DNAH14: variants seen among roughly 807,000 people sequenced by gnomAD.
The protein encoded by DNAH14 is dynein axonemal heavy chain 14.
A neutral mutation model predicts 520.9 loss-of-function variants in DNAH14; 478 were observed. The observed-to-expected ratio is 0.92, with a 90% CI of 0.85 to 0.99. The LOEUF is 0.99. DNAH14 is among the 50% of genes least tolerant of loss of function. The pLI, the probability that DNAH14 is intolerant of heterozygous loss-of-function variation, is 0.00. For missense variants in DNAH14, 4,831 were observed against 5,234.5 expected, an observed-to-expected ratio of 0.92 and a Z score of 2.38; for synonymous variants, 1,581 against 1,757.2, an observed-to-expected ratio of 0.90 and a Z score of 2.51.
intron 12 of DNAH14, 55 bp downstream of exon 12, chr1:225,038,878 A>G: frequency 7.3e-7 from 1 of 1,375,566 alleles, no homozygotes; most frequent in Non-Finnish European, 9.6e-7. Flanking sequence ...AAATGAATAC[A>G]TTTTAAAATT....
intron 8 of DNAH14, among the ~76,000 whole-genome samples, chr1:224,985,242 T>G (rs1299754638): frequency 2.0e-5 from 3 of 152,118 alleles, no homozygotes; most frequent in Non-Finnish European, 2.9e-5. Context: ...AATAGGCATG[T>G]AAAGAAACCC....
chr1:225,056,762 T>G (rs1349592530), intron 17 of DNAH14, among the ~76,000 whole-genome samples: 1 of 152,224 alleles, frequency 6.6e-6, no homozygotes, highest in African/African-American at 2.4e-5. Flanking sequence ...TAGCCAGTTT[T>G]CCCAGCACCA....
At chr1:225,345,482 T>C (rs937427262) in intron 69 of DNAH14, among the ~76,000 whole-genome samples, 7 of 152,198 alleles carry the variant, frequency 4.6e-5, no homozygotes, top group African/African-American at 1.7e-4. Context: ...AAAAGGTGAG[T>C]TGCAATCTAT....
intron 21 of DNAH14, 98 bp downstream of exon 21, chr1:225,085,887 A>G (rs915889961): frequency 2.5e-6 from 3 of 1,207,630 alleles, no homozygotes; most frequent in Middle Eastern, 2.4e-4. Context: ...AATTGTATAA[A>G]TCATTCATAT....
chr1:225,299,457 C>T (rs1503825), intron 55 of DNAH14, among the ~76,000 whole-genome samples: 19,689 of 152,002 alleles, frequency 0.13, 1,446 homozygotes, highest in East Asian at 0.33. Context: ...ATCATATCTA[C>T]GAAACTCCAT....
intron 1 of DNAH14, among the ~76,000 whole-genome samples, chr1:224,951,144 G>A (rs977520088): frequency 2.0e-5 from 3 of 152,082 alleles, no homozygotes; most frequent in Non-Finnish European, 2.9e-5. Flanking sequence ...GCCTGCCTCA[G>A]TCTCTCAAGT....
chr1:225,028,088 G>A (rs1217841320), intron 11 of DNAH14, among the ~76,000 whole-genome samples: 1 of 151,966 alleles, frequency 6.6e-6, no homozygotes, highest in Non-Finnish European at 1.5e-5. Flanking sequence ...ACATTGGTCT[G>A]TAGTTTTCTT....
At chr1:225,119,372 T>A (rs569369649) in intron 26 of DNAH14, 78 bp downstream of exon 26, 11 of 993,158 alleles carry the variant, frequency 1.1e-5, no homozygotes, top group South Asian at 2.6e-5. Context: ...ACACATTTTT[T>A]AAAACTCACT....
intron 44 of DNAH14, among the ~76,000 whole-genome samples, chr1:225,256,442 T>TA (rs2092737989): frequency 1.3e-5 from 2 of 151,722 alleles, no homozygotes; most frequent in Non-Finnish European, 2.9e-5. Flanking sequence ...AGAAAATAAA[T>TA]AAATAAAATA....
Position 225,152,692 on chromosome 1 carries a change from T to C in DNAH14, c.5010-5T>C. The C allele has an allele frequency of 6.6e-7, 1 of 1,525,342 alleles. No individual in the cohort carries two copies. Among genetic ancestry groups the C allele is most frequent in the Non-Finnish European group, 8.8e-7 (1 of 1,137,178 alleles). 94.5% of individuals were successfully genotyped at this position (1,525,342 alleles called of 1,614,324 possible). A position where few individuals can be genotyped will look rare whatever the true frequency, so the allele number is the denominator to read the frequency against. The stretch of plus-strand genomic sequence containing the variant: ...TTTATTGTTTGTTTTTCTTTTCCTC[T>C]TCAGATACGGAGGTGGAGTAGAGCT... On this transcript the variant is annotated splice_polypyrimidine_tract_variant and splice_region_variant and intron_variant, in intron 32 of 85. Transcript: ENST00000682510.
chr1:225,256,469 G>A (rs1220684968), intron 44 of DNAH14, among the ~76,000 whole-genome samples: 2 of 151,914 alleles, frequency 1.3e-5, no homozygotes, highest in Non-Finnish European at 2.9e-5. Context: ...AATGGCAAAA[G>A]CAAAATTTTT....
chr1:224,939,299 T>TCAGATG (rs2059248697), intron 1 of DNAH14, among the ~76,000 whole-genome samples: 1 of 152,154 alleles, frequency 6.6e-6, no homozygotes, highest in African/African-American at 2.4e-5. Context: ...AGTAGAACCC[T>TCAGATG]CAGATGCACT....
In DNAH14 at chr1:225,270,754, T is replaced by C. The variant is rs1232125868; in HGVS notation, c.7559T>C (p.Ile2520Thr). 6.4e-7 allele frequency: 1 copy of C among 1,551,256 alleles called. No homozygotes were observed. ...TCACAGAATATTCAAGATCTGTCTA[T>C]AGTTGCAGCTTGTGTTCCAGTTGTG... ...NTWKNIQDLSIVAACVPVVND... is the reference protein window; with the variant it reads ...NTWKNIQDLSTVAACVPVVND... The change falls in exon 50 of 86, where the codon ATA becomes ACA. Residue 2520 changes from isoleucine (I) to threonine (T), a missense_variant. Physicochemically the swap from Ile to Thr is moderately conservative, Grantham distance 89. Coordinates refer to ENST00000682510, the MANE Select transcript of DNAH14 (RefSeq NM_001367479.1).
Position 225,322,757 on chromosome 1 carries a change from A to G in DNAH14, c.9429A>G (p.Leu3143=), listed in dbSNP as rs751237266. ...AACCTAACTGGGCAACGGCAAAGTT[A>G]CTTCTTTCAGAAACTGGTTTCCTGA... ...QKKPNWATAK[L]LLSETGFLKK... Residue 3143 remains leucine (L), a synonymous_variant, in exon 62 of 86, where the codon TTA becomes TTG. Coordinates refer to ENST00000682510, the MANE Select transcript of DNAH14 (RefSeq NM_001367479.1). The G allele has an allele frequency of 1.3e-6, 2 of 1,551,828 alleles. No homozygotes were observed. The highest frequency in any genetic ancestry group is 1.7e-6 in the Non-Finnish European group (2 of 1,146,984).
At chr1:225,265,454 A>C in intron 48 of DNAH14, 85 bp downstream of exon 48, 1 of 1,196,878 alleles carries the variant, frequency 8.4e-7, no homozygotes, top group Non-Finnish European at 1.1e-6. Flanking sequence ...TCAGAAGAAA[A>C]ATATTTGTGT....
Position 225,038,793 on chromosome 1 carries a change from A to G in DNAH14, c.1458A>G (p.Ser486=), listed in dbSNP as rs2067193402. ...SKLHAISVQK[S]EVKTDTDINE... The stretch of plus-strand genomic sequence containing the variant: ...TACATGCTATTTCTGTTCAAAAGTC[A>G]GAAGTAAAAACAGACACTGATATTA... Residue 486 remains serine, a synonymous_variant, in exon 12 of 86, where the codon TCA becomes TCG. Coordinates refer to ENST00000682510, the MANE Select transcript of DNAH14 (RefSeq NM_001367479.1). The G allele has an allele frequency of 1.3e-6, 2 of 1,512,724 alleles. No individual in the cohort carries two copies. The highest frequency in any genetic ancestry group is 2.6e-5 in the East Asian group (1 of 38,822). The allele number at this position is 1,512,724 out of a possible 1,614,324, so 93.7% of individuals were successfully genotyped here.
chr1:225,082,490 T>A (rs1572939706), intron 19 of DNAH14, 59 bp from the exon 20 acceptor site: 1 of 1,282,670 alleles, frequency 7.8e-7, no homozygotes, highest in Non-Finnish European at 1.0e-6. Flanking sequence ...TTCTCAATTT[T>A]TTTGGTTAAA....
At chr1:225,102,937 T>C (rs2075651127) in intron 23 of DNAH14, among the ~76,000 whole-genome samples, 1 of 152,214 alleles carries the variant, frequency 6.6e-6, no homozygotes, top group Non-Finnish European at 1.5e-5. Flanking sequence ...CCATTGCTTT[T>C]GTTGTTTTAG....
intron 6 of DNAH14, among the ~76,000 whole-genome samples, chr1:224,968,440 T>C (rs1189603506): frequency 1.3e-5 from 2 of 152,140 alleles, no homozygotes; most frequent in Non-Finnish European, 2.9e-5. Flanking sequence ...ACTACTTTTA[T>C]AGAAAATGTA....
Sources: gnomAD v4.1 joint callset for allele counts (sites outside exome capture counted in the v4.1 genomes callset) on GRCh38, gnomAD v4.1.1 for gene constraint, MANE v1.5 for transcripts, NCBI Gene and HGNC (gene_info 2026-07-23, HGNC 2026-07-21) for gene names.